NCAM1: variants seen among roughly 807,000 people sequenced by gnomAD.
NCAM1 encodes the protein neural cell adhesion molecule 1, also known as antigen recognized by monoclonal antibody 5.1H11.
Under a neutral mutation model 109.8 loss-of-function variants are expected in NCAM1, and 14 were observed. The observed-to-expected ratio is 0.13, with a 90% CI of 0.08 to 0.20. The LOEUF is 0.20. Ranked by LOEUF, NCAM1 falls within the 10% of genes least tolerant of loss-of-function variation. NCAM1 has a pLI of 1.00. For missense variants in NCAM1, 774 were observed against 1,109.9 expected (o/e 0.70, Z 4.30); for synonymous variants, 418 against 442.9 (o/e 0.94, Z 0.70).
At chr11:113,036,327 A>T (rs1952883486) in intron 1 of NCAM1, among the ~76,000 whole-genome samples, 1 of 151,988 alleles carries the variant, frequency 6.6e-6, no homozygotes, top group South Asian at 2.1e-4. Flanking sequence ...TCCAGGCTGG[A>T]CGCAGCAGCC....
At chr11:112,966,998 A>G (rs1417380536) in intron 1 of NCAM1, among the ~76,000 whole-genome samples, 2 of 152,244 alleles carry the variant, frequency 1.3e-5, no homozygotes, top group East Asian at 1.9e-4. Flanking sequence ...TAAACCCATT[A>G]TGCATTCTAT....
chr11:113,057,913 A>G (rs782506937), intron 1 of NCAM1, among the ~76,000 whole-genome samples: 1 of 152,150 alleles, frequency 6.6e-6, no homozygotes, highest in African/African-American at 2.4e-5. Flanking sequence ...TACAGAAGCT[A>G]TGGAAGGATA....
chr11:113,192,355 A>G (rs1943705130), intron 1 of NCAM1, among the ~76,000 whole-genome samples: 1 of 152,204 alleles, frequency 6.6e-6, no homozygotes, highest in South Asian at 2.1e-4. Context: ...TCTACATTTT[A>G]GTAATTCAGT....
intron 12 of NCAM1, 27 bp downstream of exon 12, chr11:113,232,841 C>A (rs1555117559): frequency 1.3e-6 from 2 of 1,571,534 alleles, no homozygotes; most frequent in Admixed American, 1.7e-5. Flanking sequence ...CACCTGAGAG[C>A]AGCTGCCACA....
chr11:113,089,959 T>G (rs1939265634), intron 1 of NCAM1, among the ~76,000 whole-genome samples: 1 of 152,174 alleles, frequency 6.6e-6, no homozygotes, highest in Non-Finnish European at 1.5e-5. Context: ...GAAAGAAATT[T>G]TTCAGTATAT....
At chr11:113,258,994 G>T (rs1166441890) in intron 16 of NCAM1, among the ~76,000 whole-genome samples, 1 of 151,828 alleles carries the variant, frequency 6.6e-6, no homozygotes, top group Non-Finnish European at 1.5e-5. Flanking sequence ...AAGAAAATGT[G>T]TGTAAAGCTT....
At chr11:113,128,809 G>A (rs74735530) in intron 1 of NCAM1, among the ~76,000 whole-genome samples, 1,687 of 152,178 alleles carry the variant, frequency 0.011, 26 homozygotes, top group African/African-American at 0.038. Context: ...GGGCATGGGC[G>A]TGGGGGTACA....
intron 1 of NCAM1, chr11:113,041,263 C>T (rs1953063645): frequency 6.6e-6 from 1 of 152,114 alleles, no homozygotes; most frequent in African/African-American, 2.4e-5. Context: ...CCATACACGC[C>T]TTTATGTTTG....
At chr11:113,138,606 A>T (rs1243516794) in intron 1 of NCAM1, among the ~76,000 whole-genome samples, 3 of 152,218 alleles carry the variant, frequency 2.0e-5, no homozygotes, top group Non-Finnish European at 4.4e-5. Flanking sequence ...TACTTGCATG[A>T]TCTGGGCTCT....
intron 1 of NCAM1, among the ~76,000 whole-genome samples, chr11:113,107,138 G>A (rs1441246660): frequency 6.6e-6 from 1 of 152,218 alleles, no homozygotes; most frequent in Non-Finnish European, 1.5e-5. Context: ...GTAGAAGACA[G>A]AAATACTTGG....
At chr11:113,145,963 T>C (rs1555101251) in intron 1 of NCAM1, among the ~76,000 whole-genome samples, 1 of 152,216 alleles carries the variant, frequency 6.6e-6, no homozygotes, top group Admixed American at 6.5e-5. Flanking sequence ...GTCAGAGTCT[T>C]TGGTTTTAAT....
intron 19 of NCAM1, chr11:113,272,943 G>C (rs782136857): frequency 4.4e-6 from 2 of 456,514 alleles, no homozygotes; most frequent in South Asian, 1.5e-5. Flanking sequence ...GCTGCCTGCC[G>C]ACACTACGGC....
At chr11:113,004,671 A>G (rs913343457) in intron 1 of NCAM1, among the ~76,000 whole-genome samples, 1 of 151,978 alleles carries the variant, frequency 6.6e-6, no homozygotes, top group East Asian at 1.9e-4. Flanking sequence ...ATATTTCAGT[A>G]TCTTTTTTCT....
Position 113,194,031 on chromosome 11 carries a change from G to A in NCAM1, c.53-8348G>A, listed in dbSNP as rs540222285. On this transcript the variant is annotated intron_variant, in intron 1 of 19. Coordinates refer to ENST00000316851, the MANE Select transcript of NCAM1 (RefSeq NM_181351.5). ...AGAACTGAAGCTGTTATCTGGCTTGGCTCTGTGTTCTGATTTGAAGCCAGC... is the reference window on the plus strand; with the variant it reads ...AGAACTGAAGCTGTTATCTGGCTTGACTCTGTGTTCTGATTTGAAGCCAGC... Among the ~76,000 whole-genome samples, 9 of 152,246 alleles carry A rather than the reference G, an allele frequency of 5.9e-5. No homozygotes were observed. In the South Asian group the frequency reaches 1.9e-3, roughly 32 times the overall value.
chr11:113,183,931 A>G (rs1555108411), intron 1 of NCAM1, among the ~76,000 whole-genome samples: 4 of 152,214 alleles, frequency 2.6e-5, no homozygotes, highest in Non-Finnish European at 5.9e-5. Context: ...ATTTTCTTCT[A>G]TATTTTCTAC....
chr11:113,246,378 T>C lies in NCAM1; in HGVS notation c.1828+8T>C. ...CACGCTGGTGAACAGAAGGTAAAAC[T>C]CTTTGTTCTGATTAGTGAAATAAAT... On this transcript the variant is annotated splice_region_variant and intron_variant, in intron 15 of 19. Coordinates refer to ENST00000316851, the MANE Select transcript of NCAM1 (RefSeq NM_181351.5). The C allele has an allele frequency of 1.3e-6, 1 of 741,338 alleles. No homozygotes were observed. The highest frequency in any genetic ancestry group is 2.5e-5 in the East Asian group (1 of 40,526). The allele number at this position is 741,338 out of a possible 1,614,324, so 45.9% of individuals were successfully genotyped here.
At chr11:113,187,989 T>C (rs1343484547) in intron 1 of NCAM1, among the ~76,000 whole-genome samples, 24 of 152,232 alleles carry the variant, frequency 1.6e-4, no homozygotes, top group African/African-American at 5.5e-4. Context: ...ATAAGGTACA[T>C]TGCATGAGCA....
chr11:113,237,468 C>T (rs1171565135), intron 14 of NCAM1, among the ~76,000 whole-genome samples: 3 of 152,120 alleles, frequency 2.0e-5, no homozygotes, highest in East Asian at 1.9e-4. Flanking sequence ...GAGTTGGTGC[C>T]GGGATGAACC....
intron 1 of NCAM1, among the ~76,000 whole-genome samples, chr11:113,088,955 CA>C (rs1939216525): frequency 1.3e-5 from 2 of 152,144 alleles, no homozygotes; most frequent in Admixed American, 1.3e-4. Context: ...GTAAAATTAG[CA>C]AAGCAGTTGA....
Sources: gnomAD v4.1 joint callset for allele counts (sites outside exome capture counted in the v4.1 genomes callset) on GRCh38, gnomAD v4.1.1 for gene constraint, MANE v1.5 for transcripts, NCBI Gene and HGNC (gene_info 2026-07-23, HGNC 2026-07-21) for gene names.